Variants in PTPRM observed in about 807,000 individuals in gnomAD.
PTPRM encodes protein tyrosine phosphatase receptor type M.
PTPRM carries 47 observed loss-of-function variants against 186.7 expected under a neutral mutation model. That is an observed-to-expected ratio of 0.25 (90% CI 0.20 to 0.32). The LOEUF is 0.32. Among genes scored for constraint, PTPRM ranks in the 10% least tolerant of loss-of-function variants. The pLI, the probability that PTPRM is intolerant of heterozygous loss-of-function variation, is 1.00. For synonymous variants in PTPRM, 668 were observed against 674.9 expected, an observed-to-expected ratio of 0.99 and a Z score of 0.16; for missense variants, 1,494 against 1,865.0, an observed-to-expected ratio of 0.80 and a Z score of 3.66.
rs1366314128 is a variant in PTPRM, at chr18:7,962,829, T to C, written c.1132+7415T>C. Among the ~76,000 whole-genome samples, 4 of 152,380 alleles carry C rather than the reference T, an allele frequency of 2.6e-5. No individual in the cohort carries two copies. In the East Asian group the frequency reaches 7.7e-4, roughly 29 times the overall value. On this transcript the variant is annotated intron_variant, in intron 7 of 32. Coordinates refer to ENST00000580170, the MANE Select transcript of PTPRM (RefSeq NM_001105244.2). Reference sequence around the variant, plus strand: ...AAGATAGTAGTATTTGTGTTTTCTGTACAGAATTATCACTGGCATTGCAAT... The same window carrying C: ...AAGATAGTAGTATTTGTGTTTTCTGCACAGAATTATCACTGGCATTGCAAT...
chr18:7,791,999 G>A lies in PTPRM; in HGVS notation c.196+17728G>A, dbSNP rs140630100. Among the ~76,000 whole-genome samples the A allele has an allele frequency of 5.2e-3, 793 of 152,168 alleles. 10 individuals carry two copies. Among genetic ancestry groups the A allele is most frequent in the African/African-American group, 0.018 (737 of 41,522 alleles). On this transcript the variant is annotated intron_variant, in intron 2 of 32. Transcript: ENST00000580170. ...CTTAACTCTGATAATTTCCCAGATA[G>A]AGCAAAGATATATGAGCATATATTG...
intron 1 of PTPRM, among the ~76,000 whole-genome samples, chr18:7,594,479 C>G (rs1480154229): frequency 1.4e-5 from 2 of 145,736 alleles, no homozygotes; most frequent in Non-Finnish European, 3.0e-5. Flanking sequence ...GACTCTGTCT[C>G]AAAAACGAAA....
intron 14 of PTPRM, among the ~76,000 whole-genome samples, chr18:8,215,945 AG>A (rs2094078727): frequency 6.6e-6 from 1 of 152,068 alleles, no homozygotes; most frequent in Non-Finnish European, 1.5e-5. Flanking sequence ...CACTTAACCC[AG>A]CCCCCTGTCT....
intron 14 of PTPRM, among the ~76,000 whole-genome samples, chr18:8,223,034 G>T (rs1158240040): frequency 6.6e-6 from 1 of 152,084 alleles, no homozygotes; most frequent in East Asian, 1.9e-4. Context: ...GACCAGCCTG[G>T]TCAACATTGC....
intron 1 of PTPRM, among the ~76,000 whole-genome samples, chr18:7,764,124 T>C (rs1336512925): frequency 6.6e-6 from 1 of 152,200 alleles, no homozygotes; most frequent in Non-Finnish European, 1.5e-5. Context: ...CCAGCCGTGC[T>C]ATTCTGTTGT....
At chr18:7,870,216 G>A (rs1466507579) in intron 2 of PTPRM, among the ~76,000 whole-genome samples, 4 of 152,086 alleles carry the variant, frequency 2.6e-5, no homozygotes, top group Non-Finnish European at 5.9e-5. Context: ...GGTAAGTTAA[G>A]GCCATGTTGA....
chr18:7,981,544 A>G (rs959185903), intron 7 of PTPRM, among the ~76,000 whole-genome samples: 3 of 152,154 alleles, frequency 2.0e-5, no homozygotes, highest in Non-Finnish European at 2.9e-5. Flanking sequence ...TGATCTTCCA[A>G]CTGAAGTTCT....
intron 7 of PTPRM, among the ~76,000 whole-genome samples, chr18:8,037,690 G>A (rs2086419805): frequency 6.6e-6 from 1 of 151,786 alleles, no homozygotes; most frequent in South Asian, 2.1e-4. Flanking sequence ...ATTCTGATTT[G>A]TAAAATCTTA....
At chr18:7,642,694 A>G (rs1222417788) in intron 1 of PTPRM, among the ~76,000 whole-genome samples, 1 of 151,760 alleles carries the variant, frequency 6.6e-6, no homozygotes, top group African/African-American at 2.4e-5. Context: ...TTACATGTTG[A>G]CTTTGTTATG....
chr18:7,770,478 G>C (rs2042222868), intron 1 of PTPRM, among the ~76,000 whole-genome samples: 1 of 152,190 alleles, frequency 6.6e-6, no homozygotes, highest in South Asian at 2.1e-4. Flanking sequence ...AAGAATTTAA[G>C]AACTGATAAT....
intron 14 of PTPRM, among the ~76,000 whole-genome samples, chr18:8,203,542 GAT>G (rs1217429073): frequency 1.3e-5 from 2 of 152,172 alleles, no homozygotes; most frequent in African/African-American, 2.4e-5. Flanking sequence ...GGAAGATGTA[GAT>G]ATGCATATAT....
chr18:7,582,055 T>C (rs1280132916), intron 1 of PTPRM, among the ~76,000 whole-genome samples: 1 of 152,246 alleles, frequency 6.6e-6, no homozygotes, highest in Non-Finnish European at 1.5e-5. Flanking sequence ...TAAAGTTTTA[T>C]GTGAACATAT....
chr18:8,292,476 A>G (rs930527095), intron 19 of PTPRM, among the ~76,000 whole-genome samples: 4 of 152,216 alleles, frequency 2.6e-5, no homozygotes, highest in African/African-American at 9.6e-5. Flanking sequence ...GAAATTGGCT[A>G]TATAATTGAA....
chr18:7,841,761 C>G (rs2046338101), intron 2 of PTPRM, among the ~76,000 whole-genome samples: 2 of 151,962 alleles, frequency 1.3e-5, no homozygotes, highest in African/African-American at 4.8e-5. Flanking sequence ...ATGAGTGGCC[C>G]CTTGTAGGTG....
intron 2 of PTPRM, among the ~76,000 whole-genome samples, chr18:7,798,406 G>A (rs2043780956): frequency 6.6e-6 from 1 of 152,014 alleles, no homozygotes. Flanking sequence ...GCAGGCGCCT[G>A]TAATTCCAGC....
chr18:8,117,485 A>C (rs1326423449), intron 13 of PTPRM, among the ~76,000 whole-genome samples: 1 of 152,202 alleles, frequency 6.6e-6, no homozygotes, highest in African/African-American at 2.4e-5. Context: ...TATGTCTCTT[A>C]AAAATATATT....
chr18:7,637,711 G>A (rs1444281138), intron 1 of PTPRM, among the ~76,000 whole-genome samples: 1 of 152,168 alleles, frequency 6.6e-6, no homozygotes, highest in African/African-American at 2.4e-5. Flanking sequence ...AGGAATTCAG[G>A]CATGAATAAG....
At chr18:8,256,600 A>G (rs924923736) in intron 19 of PTPRM, among the ~76,000 whole-genome samples, 3 of 152,216 alleles carry the variant, frequency 2.0e-5, no homozygotes, top group Non-Finnish European at 4.4e-5. Context: ...TCTCTTGCGC[A>G]TAGCAGTCTG....
intron 7 of PTPRM, among the ~76,000 whole-genome samples, chr18:7,966,604 G>T (rs988392890): frequency 3.5e-4 from 49 of 141,638 alleles, no homozygotes; most frequent in African/African-American, 1.1e-3. Context: ...TGCGCGCACC[G>T]TGCGCGAGCC....
Sources: gnomAD v4.1 joint callset for allele counts (sites outside exome capture counted in the v4.1 genomes callset) on GRCh38, gnomAD v4.1.1 for gene constraint, MANE v1.5 for transcripts, NCBI Gene and HGNC (gene_info 2026-07-23, HGNC 2026-07-21) for gene names.